Variants in CHL1 observed in about 807,000 individuals in gnomAD.
CHL1 encodes cell adhesion molecule L1 like.
Under a neutral mutation model 141.9 loss-of-function variants are expected in CHL1, and 96 were observed. The ratio of observed to expected loss-of-function variants is 0.68; its 90% CI spans 0.57 to 0.80. The LOEUF is 0.80. Among genes scored for constraint, CHL1 ranks in the 30% least tolerant of loss-of-function variants. The pLI, the probability that CHL1 is intolerant of heterozygous loss-of-function variation, is 0.00. For missense variants in CHL1, 1,820 were observed against 1,457.2 expected (o/e 1.25, Z -4.05); for synonymous variants, 613 against 502.2 (o/e 1.22, Z -2.95).
intron 26 of CHL1, among the ~76,000 whole-genome samples, chr3:399,389 T>A (rs2387186): frequency 6.6e-6 from 1 of 152,180 alleles, no homozygotes; most frequent in East Asian, 1.9e-4. Flanking sequence ...CGCCTGTAAT[T>A]CCAGCAGTTT....
chr3:315,453 C>T (rs1170704871), intron 2 of CHL1, among the ~76,000 whole-genome samples: 1 of 152,082 alleles, frequency 6.6e-6, no homozygotes, highest in East Asian at 1.9e-4. Context: ...CTCCATTTCT[C>T]AAGGAATAAT....
chr3:290,124 A>T (rs1048445744), intron 2 of CHL1, among the ~76,000 whole-genome samples: 3 of 152,052 alleles, frequency 2.0e-5, no homozygotes, highest in Non-Finnish European at 4.4e-5. Context: ...GCACTTCTGC[A>T]TTATTTTTAA....
At chr3:394,632 T>A in intron 23 of CHL1, 61 bp from the exon 24 acceptor site, 2 of 1,198,346 alleles carry the variant, frequency 1.7e-6, no homozygotes, top group East Asian at 4.7e-5. Context: ...ATGAAAATAA[T>A]GAAGAATGCA....
At chr3:232,805 G>T (rs1310710777) in intron 1 of CHL1, among the ~76,000 whole-genome samples, 1 of 152,016 alleles carries the variant, frequency 6.6e-6, no homozygotes, top group Admixed American at 6.5e-5. Context: ...TAAATGGCTT[G>T]CTAGTAAGTG....
intron 26 of CHL1, among the ~76,000 whole-genome samples, chr3:399,575 G>A (rs1011538116): frequency 5.9e-5 from 9 of 152,174 alleles, no homozygotes; most frequent in African/African-American, 1.9e-4. Flanking sequence ...GGGAGGTGGA[G>A]TTTGCAGTGA....
intron 1 of CHL1, among the ~76,000 whole-genome samples, chr3:206,547 G>C (rs1209120630): frequency 6.6e-6 from 1 of 152,006 alleles, no homozygotes; most frequent in African/African-American, 2.4e-5. Flanking sequence ...AACACAGCAA[G>C]ACTCCATGTC....
chr3:395,823 G>C (rs1159573334), intron 24 of CHL1, among the ~76,000 whole-genome samples: 1 of 152,138 alleles, frequency 6.6e-6, no homozygotes, highest in African/African-American at 2.4e-5. Flanking sequence ...TTGTAGATTA[G>C]AAAAACGGTA....
intron 2 of CHL1, among the ~76,000 whole-genome samples, chr3:255,818 G>A (rs1221173273): frequency 2.0e-5 from 3 of 152,158 alleles, no homozygotes; most frequent in African/African-American, 7.2e-5. Flanking sequence ...CTCAGTGGAT[G>A]GAGCCCAGGT....
chr3:276,494 G>A (rs938653953), intron 2 of CHL1, among the ~76,000 whole-genome samples: 2 of 152,136 alleles, frequency 1.3e-5, no homozygotes, highest in Non-Finnish European at 2.9e-5. Context: ...GTTTCAATAA[G>A]AGGCAAGAAG....
chr3:361,022 T>C (rs1300663376), intron 12 of CHL1, among the ~76,000 whole-genome samples: 1 of 152,020 alleles, frequency 6.6e-6, no homozygotes, highest in Non-Finnish European at 1.5e-5. Context: ...TCCAAGTCTT[T>C]GCTATTGTGA....
At chr3:263,662 T>C (rs1694921408) in intron 2 of CHL1, among the ~76,000 whole-genome samples, 1 of 152,210 alleles carries the variant, frequency 6.6e-6, no homozygotes, top group Non-Finnish European at 1.5e-5. Flanking sequence ...GTAGAGTGAC[T>C]TTTCCCAAAG....
intron 2 of CHL1, among the ~76,000 whole-genome samples, chr3:311,351 A>T (rs1483941428): frequency 6.7e-6 from 1 of 149,086 alleles, no homozygotes. Context: ...TCCACAATTT[A>T]TTGACCACAC....
intron 8 of CHL1, 108 bp from the exon 9 acceptor site, chr3:344,481 A>G: frequency 1.4e-6 from 1 of 735,014 alleles, no homozygotes; most frequent in Admixed American, 2.5e-5. Flanking sequence ...ACACACACAC[A>G]CACACACACT....
intron 6 of CHL1, 130 bp from the exon 7 acceptor site, chr3:341,782 A>C (rs765660402): frequency 9.6e-6 from 7 of 725,738 alleles, no homozygotes; most frequent in Non-Finnish European, 1.5e-5. Flanking sequence ...TAGTAAGACC[A>C]GACTTGAGAG....
At chr3:333,944 A>C (rs1701660091) in intron 5 of CHL1, among the ~76,000 whole-genome samples, 1 of 152,020 alleles carries the variant, frequency 6.6e-6, no homozygotes, top group East Asian at 1.9e-4. Flanking sequence ...TTTTTAAACA[A>C]CTTGTTTGTT....
chr3:344,720 T>G lies in CHL1; in HGVS notation c.848+11T>G, dbSNP rs1301333830. On this transcript the variant is annotated intron_variant, in intron 9 of 27. Coordinates refer to ENST00000256509, the MANE Select transcript of CHL1 (RefSeq NM_006614.4). ...TTTTGCTGAAGGCTTGTGAGTAACC[T>G]GACTCTCACTCATGACTTTGTCCAT... The G allele has an allele frequency of 6.2e-7, 1 of 1,612,800 alleles. No individual in the cohort carries two copies. Among genetic ancestry groups the G allele is most frequent in the East Asian group, 2.2e-5 (1 of 44,850 alleles).
At chr3:331,029 A>T (rs1022635815) in intron 5 of CHL1, among the ~76,000 whole-genome samples, 1 of 152,200 alleles carries the variant, frequency 6.6e-6, no homozygotes, top group Non-Finnish European at 1.5e-5. Flanking sequence ...TCACACAGAG[A>T]AACATTTATA....
At chr3:280,477 A>C (rs1696541652) in intron 2 of CHL1, among the ~76,000 whole-genome samples, 1 of 152,236 alleles carries the variant, frequency 6.6e-6, no homozygotes, top group African/African-American at 2.4e-5. Context: ...TTAGATAAGA[A>C]TTAAAGTGCT....
At chr3:339,715 G>A (rs763116085) in intron 5 of CHL1, among the ~76,000 whole-genome samples, 1 of 152,204 alleles carries the variant, frequency 6.6e-6, no homozygotes, top group Non-Finnish European at 1.5e-5. Flanking sequence ...CTAAAGGCAT[G>A]GATGGGGGTT....
Sources: gnomAD v4.1 joint callset for allele counts (sites outside exome capture counted in the v4.1 genomes callset) on GRCh38, gnomAD v4.1.1 for gene constraint, MANE v1.5 for transcripts, NCBI Gene and HGNC (gene_info 2026-07-23, HGNC 2026-07-21) for gene names.